CACHD1: variants seen among roughly 807,000 people sequenced by gnomAD.
CACHD1 encodes the protein cache domain containing 1.
CACHD1 carries 71 observed loss-of-function variants against 138.7 expected under a neutral mutation model. That is an observed-to-expected ratio of 0.51 (90% CI 0.42 to 0.62). CACHD1 has a LOEUF of 0.62. Among genes scored for constraint, CACHD1 ranks in the 20% least tolerant of loss-of-function variants. The pLI, the probability that CACHD1 is intolerant of heterozygous loss-of-function variation, is 0.00. For synonymous variants in CACHD1, 578 were observed against 591.5 expected (o/e 0.98, Z 0.33); for missense variants, 1,389 against 1,625.3 (o/e 0.85, Z 2.50).
At chr1:64,532,562 C>T (rs1646596304) in intron 1 of CACHD1, among the ~76,000 whole-genome samples, 1 of 151,806 alleles carries the variant, frequency 6.6e-6, no homozygotes, top group Non-Finnish European at 1.5e-5. Context: ...GGAGAACACT[C>T]ATCAAGTTTG....
chr1:64,636,467 C>G (rs1553141573), intron 7 of CACHD1, among the ~76,000 whole-genome samples: 1 of 152,168 alleles, frequency 6.6e-6, no homozygotes, highest in Non-Finnish European at 1.5e-5. Context: ...AGGCTACTGT[C>G]AGAGTGTCAG....
chr1:64,529,326 A>T (rs1256501677), intron 1 of CACHD1, among the ~76,000 whole-genome samples: 1 of 152,170 alleles, frequency 6.6e-6, no homozygotes, highest in Non-Finnish European at 1.5e-5. Context: ...AAAAACTAAC[A>T]CACTCAAAAT....
rs530847374 is a variant in CACHD1, at chr1:64,480,886, C to CTTTTT, written c.198+9953_198+9957dup. 4.5e-3 allele frequency among the ~76,000 whole-genome samples: 639 copies of CTTTTT among 140,556 alleles called. 4 individuals carry two copies. Among genetic ancestry groups the CTTTTT allele is most frequent in the African/African-American group, 0.016 (615 of 37,954 alleles). 92.2% of individuals were successfully genotyped at this position (140,556 alleles called of 152,430 possible). ...AAGTTGTTTCTTTCTCTCTCTCTCCCTTTTTTTTTTTTTGGGTGAAAATTG... is the reference window on the plus strand; with the variant it reads ...AAGTTGTTTCTTTCTCTCTCTCTCCCTTTTTTTTTTTTTTTTTTGGGTGAAAATTG... On this transcript the variant is annotated intron_variant, in intron 1 of 26. Coordinates refer to ENST00000651257, the MANE Select transcript of CACHD1 (RefSeq NM_020925.4).
intron 1 of CACHD1, among the ~76,000 whole-genome samples, chr1:64,547,139 G>A (rs779517457): frequency 2.0e-5 from 3 of 152,114 alleles, no homozygotes; most frequent in South Asian, 2.1e-4. Flanking sequence ...GTAAAATGTG[G>A]TTTCAGACCC....
chr1:64,667,775 C>G (rs964968407), intron 16 of CACHD1, among the ~76,000 whole-genome samples: 1 of 152,176 alleles, frequency 6.6e-6, no homozygotes, highest in African/African-American at 2.4e-5. Flanking sequence ...CCAGGTGTGC[C>G]TTAGTCATTA....
chr1:64,650,147 T>G (rs2100677341), intron 9 of CACHD1, among the ~76,000 whole-genome samples: 1 of 152,368 alleles, frequency 6.6e-6, no homozygotes, highest in African/African-American at 2.4e-5. Context: ...TTTGCCATAA[T>G]GGGATCAAGA....
chr1:64,678,364 C>T, intron 23 of CACHD1, 54 bp downstream of exon 23: 1 of 1,478,076 alleles, frequency 6.8e-7, no homozygotes, highest in Non-Finnish European at 9.0e-7. Flanking sequence ...AATTTCCTGC[C>T]TATATGCTAG....
chr1:64,504,719 G>A (rs1459513362), intron 1 of CACHD1, among the ~76,000 whole-genome samples: 4 of 152,114 alleles, frequency 2.6e-5, no homozygotes, highest in African/African-American at 7.2e-5. Flanking sequence ...CATGGGCAAC[G>A]TACCTGTTGT....
At chr1:64,489,439 C>G (rs146219473) in intron 1 of CACHD1, among the ~76,000 whole-genome samples, 12 of 152,214 alleles carry the variant, frequency 7.9e-5, no homozygotes, top group Admixed American at 7.2e-4. Flanking sequence ...CCCCAGTTTA[C>G]AAAGAGTCTG....
At position 64,639,225 on chromosome 1, in the gene CACHD1, T is replaced by C. The variant is rs116794126; in HGVS notation, c.1007-2595T>C. Among the ~76,000 whole-genome samples, 1,288 of 152,328 alleles carry C rather than the reference T, an allele frequency of 8.5e-3. 18 individuals carry two copies. Among genetic ancestry groups the C allele is most frequent in the African/African-American group, 0.029 (1,224 of 41,572 alleles). On this transcript the variant is annotated intron_variant, in intron 7 of 26. Coordinates refer to ENST00000651257, the MANE Select transcript of CACHD1 (RefSeq NM_020925.4). Reference sequence around the variant, plus strand: ...ATGGTTTGTGTCATACCATAGATCCTCCTCATGCTGTATCTATGTATATAT... The same window carrying C: ...ATGGTTTGTGTCATACCATAGATCCCCCTCATGCTGTATCTATGTATATAT...
intron 16 of CACHD1, 53 bp from the exon 17 acceptor site, chr1:64,671,511 T>G: frequency 6.3e-7 from 1 of 1,597,666 alleles, no homozygotes; most frequent in Non-Finnish European, 8.6e-7. Flanking sequence ...AACATAGCTT[T>G]TATCCTTAAA....
intron 1 of CACHD1, among the ~76,000 whole-genome samples, chr1:64,474,105 T>C (rs1646161040): frequency 6.6e-6 from 1 of 152,218 alleles, no homozygotes; most frequent in African/African-American, 2.4e-5. Context: ...TTTAAATAAG[T>C]TGTGCCAACC....
At chr1:64,549,953 G>A (rs975651137) in intron 1 of CACHD1, among the ~76,000 whole-genome samples, 7 of 152,148 alleles carry the variant, frequency 4.6e-5, no homozygotes, top group African/African-American at 1.7e-4. Context: ...GTATGGAGGA[G>A]TAGGTACCAT....
chr1:64,589,999 C>T (rs1647084983), intron 3 of CACHD1, among the ~76,000 whole-genome samples: 1 of 152,070 alleles, frequency 6.6e-6, no homozygotes, highest in Admixed American at 6.6e-5. Context: ...TTCTCCTACA[C>T]AGCTTCTCTT....
At chr1:64,501,418 A>G (rs777518130) in intron 1 of CACHD1, among the ~76,000 whole-genome samples, 2 of 152,170 alleles carry the variant, frequency 1.3e-5, no homozygotes, top group Non-Finnish European at 2.9e-5. Flanking sequence ...TCATGACCAG[A>G]GGCCTTCCAG....
At chr1:64,518,647 G>C (rs1055120724) in intron 1 of CACHD1, among the ~76,000 whole-genome samples, 16 of 152,146 alleles carry the variant, frequency 1.1e-4, no homozygotes, top group Non-Finnish European at 1.9e-4. Context: ...TTGTGTGATT[G>C]TGCCATGTCT....
intron 17 of CACHD1, among the ~76,000 whole-genome samples, chr1:64,671,965 A>G (rs1361355681): frequency 6.6e-6 from 1 of 152,216 alleles, no homozygotes; most frequent in Non-Finnish European, 1.5e-5. Flanking sequence ...CAGTAATTAG[A>G]GGCTTCCCAT....
chr1:64,562,911 C>A (rs193036188), intron 2 of CACHD1, among the ~76,000 whole-genome samples: 1 of 152,034 alleles, frequency 6.6e-6, no homozygotes, highest in Non-Finnish European at 1.5e-5. Flanking sequence ...GGTCACACTG[C>A]TTTTTTCTTC....
intron 3 of CACHD1, among the ~76,000 whole-genome samples, chr1:64,586,421 ATCT>A (rs1647052301): frequency 6.6e-6 from 1 of 152,204 alleles, no homozygotes; most frequent in Non-Finnish European, 1.5e-5. Context: ...TCTATTTTGA[ATCT>A]TAACAACTTC....
Sources: allele counts gnomAD v4.1 joint callset (sites outside exome capture counted in the v4.1 genomes callset), GRCh38; gene constraint gnomAD v4.1.1; transcripts MANE v1.5; gene names NCBI Gene and HGNC (gene_info 2026-07-23, HGNC 2026-07-21).